Variants in SYTL5 observed in about 807,000 individuals in gnomAD.
The protein encoded by SYTL5 is synaptotagmin-like protein 5.
Under a neutral mutation model 55.9 loss-of-function variants are expected in SYTL5, and 34 were observed. The observed-to-expected ratio is 0.61, with a 90% CI of 0.46 to 0.81. The LOEUF is 0.81. SYTL5 is among the 30% of genes least tolerant of loss of function. The pLI, the probability that SYTL5 is intolerant of heterozygous loss-of-function variation, is 0.00. For missense variants in SYTL5, 637 were observed against 546.7 expected, an observed-to-expected ratio of 1.17 and a Z score of -1.65; for synonymous variants, 221 against 188.7, an observed-to-expected ratio of 1.17 and a Z score of -1.40.
the SYTL5 span, among the ~76,000 whole-genome samples, chrX:37,914,016 T>C: frequency 8.9e-6 from 1 of 112,039 alleles, no homozygotes; most frequent in Non-Finnish European, 1.9e-5. Context: ...GTCCCTTCTA[T>C]GATGAGGCAA....
At chrX:38,101,994 C>T (rs111479325) in intron 9 of SYTL5, among the ~76,000 whole-genome samples, 1,576 of 109,360 alleles carry the variant, frequency 0.014, 11 homozygotes, top group African/African-American at 0.016. Flanking sequence ...CACACACACA[C>T]AAATTTTTTT....
At chrX:37,993,333 A>C in the SYTL5 span, among the ~76,000 whole-genome samples, 12 of 112,320 alleles carry the variant, frequency 1.1e-4, no homozygotes, top group Non-Finnish European at 1.9e-5. Context: ...CACAATGAAC[A>C]AAGACTTATT....
chrX:37,916,309 C>T, the SYTL5 span, among the ~76,000 whole-genome samples: 1 of 112,335 alleles, frequency 8.9e-6, no homozygotes, highest in Non-Finnish European at 1.9e-5. Flanking sequence ...CGCACCCCTC[C>T]TAACCTTCCA....
chrX:38,052,030 A>G (rs966813992), intron 2 of SYTL5, among the ~76,000 whole-genome samples: 2 of 112,121 alleles, frequency 1.8e-5, no homozygotes, highest in African/African-American at 6.5e-5. Flanking sequence ...TGGATATAAT[A>G]TAATTTCTAG....
At chrX:37,978,985 T>G in the SYTL5 span, among the ~76,000 whole-genome samples, 1 of 111,775 alleles carries the variant, frequency 8.9e-6, no homozygotes, top group Non-Finnish European at 1.9e-5. Flanking sequence ...TAATATTTAA[T>G]TTAATCTATT....
At chrX:38,007,923 T>C (rs1159006055) in intron 1 of SYTL5, among the ~76,000 whole-genome samples, 3 of 112,014 alleles carry the variant, frequency 2.7e-5, no homozygotes, top group Non-Finnish European at 3.8e-5. Flanking sequence ...TATTTTAAGT[T>C]TGGGTATTAG....
intron 13 of SYTL5, among the ~76,000 whole-genome samples, chrX:38,111,375 G>A (rs758862103): frequency 6.1e-4 from 68 of 111,787 alleles, no homozygotes; most frequent in African/African-American, 2.0e-3. Context: ...ACGCATGGCC[G>A]TCAGCATTTT....
At chrX:38,093,259 G>A (rs1936843853) in intron 7 of SYTL5, among the ~76,000 whole-genome samples, 1 of 112,239 alleles carries the variant, frequency 8.9e-6, no homozygotes. Flanking sequence ...ACATTTCACT[G>A]TAATGAGTTC....
the SYTL5 span, among the ~76,000 whole-genome samples, chrX:37,934,680 G>C: frequency 8.5e-5 from 9 of 105,807 alleles, no homozygotes; most frequent in Non-Finnish European, 1.6e-4. Context: ...TGTTGCCCAG[G>C]CTGGAGTGCA....
chrX:38,126,487 G>T lies in SYTL5; in HGVS notation c.2051-101G>T, dbSNP rs773050073. ...ACTAAGTGAGAACAAGCCAGTAAAA[G>T]GTACTCTGGTGAAAAGGCCTGCTCA... On this transcript the variant is annotated intron_variant, in intron 16 of 16. Transcript: ENST00000297875. 197 of 836,908 alleles carry T rather than the reference G, an allele frequency of 2.4e-4. No homozygotes were observed. The African/African-American group carries it at 3.5e-3, about 15-fold the overall frequency. 69.0% of individuals were successfully genotyped at this position (836,908 alleles called of 1,213,427 possible). A position where few individuals can be genotyped will look rare whatever the true frequency, so the allele number is the denominator to read the frequency against.
At chrX:37,968,898 G>A in the SYTL5 span, among the ~76,000 whole-genome samples, 1 of 111,929 alleles carries the variant, frequency 8.9e-6, no homozygotes, top group South Asian at 3.7e-4. Flanking sequence ...CCACTATAGT[G>A]AAGTTTCTTT....
chrX:38,038,300 T>A (rs1445229932), intron 2 of SYTL5, among the ~76,000 whole-genome samples: 2 of 111,926 alleles, frequency 1.8e-5, no homozygotes, highest in African/African-American at 6.5e-5. Context: ...TTTTGTGAAT[T>A]GTATAGCTCA....
At chrX:37,949,364 C>T in the SYTL5 span, 36,608 of 110,927 alleles carry the variant, frequency 0.33, 4,375 homozygotes, top group East Asian at 0.6. Flanking sequence ...AGCCTATGTC[C>T]TTCATGACAT....
At chrX:37,900,874 C>A in the SYTL5 span, among the ~76,000 whole-genome samples, 1 of 111,418 alleles carries the variant, frequency 9.0e-6, no homozygotes, top group Non-Finnish European at 1.9e-5. Flanking sequence ...GCTTCAGAGC[C>A]CCTACTCTGT....
intron 15 of SYTL5, among the ~76,000 whole-genome samples, chrX:38,124,937 C>CA (rs751288492): frequency 8.9e-6 from 1 of 111,821 alleles, no homozygotes; most frequent in South Asian, 3.8e-4. Flanking sequence ...TTCCTTGTAT[C>CA]AAGAGACACA....
intron 1 of SYTL5, among the ~76,000 whole-genome samples, chrX:38,015,774 G>T (rs779397411): frequency 9.1e-6 from 1 of 109,540 alleles, no homozygotes; most frequent in African/African-American, 3.3e-5. Flanking sequence ...GAACACTTTC[G>T]CTCTGGGCGG....
intron 3 of SYTL5, among the ~76,000 whole-genome samples, chrX:38,067,291 G>A (rs1194140078): frequency 2.7e-5 from 3 of 109,591 alleles, no homozygotes; most frequent in Non-Finnish European, 5.7e-5. Flanking sequence ...ATTTCCTGGA[G>A]AATGTAGACT....
the SYTL5 span, among the ~76,000 whole-genome samples, chrX:37,976,068 G>C: frequency 8.9e-6 from 1 of 111,857 alleles, no homozygotes; most frequent in African/African-American, 3.2e-5. Context: ...CTGTGATAGA[G>C]ATGCATAATA....
chrX:38,060,831 T>C (rs914801291), intron 3 of SYTL5, among the ~76,000 whole-genome samples: 1 of 112,252 alleles, frequency 8.9e-6, no homozygotes, highest in African/African-American at 3.2e-5. Flanking sequence ...TTGGGACATG[T>C]TAATGCATTG....
Sources: gnomAD v4.1 joint callset for allele counts (sites outside exome capture counted in the v4.1 genomes callset) on GRCh38, gnomAD v4.1.1 for gene constraint, MANE v1.5 for transcripts, NCBI Gene and HGNC (gene_info 2026-07-23, HGNC 2026-07-21) for gene names.